ALAD: variants seen among roughly 807,000 people sequenced by gnomAD.
ALAD encodes the protein delta-aminolevulinic acid dehydratase.
A neutral mutation model predicts 44.4 loss-of-function variants in ALAD; 20 were observed. That is an observed-to-expected ratio of 0.45 (90% confidence interval 0.32 to 0.65). The LOEUF (loss-of-function observed/expected upper bound fraction) is 0.65, where lower values mean the gene tolerates loss of function less well. ALAD is among the 30% of genes least tolerant of loss of function. The probability of loss-of-function intolerance (pLI) is 0.05; values close to 1 mark genes in which losing one functional copy is unlikely to be tolerated. For synonymous variants in ALAD, 156 were observed against 167.9 expected (o/e 0.93, Z 0.55); for missense variants, 323 against 445.7 (o/e 0.72, Z 2.48).
intron 1 of ALAD, among the ~76,000 whole-genome samples, chr9:113,395,846 T>A (rs1588087065): frequency 6.6e-6 from 1 of 152,086 alleles, no homozygotes; most frequent in South Asian, 2.1e-4. Context: ...TCACTTGAGG[T>A]CTGGAGTTTG....
At chr9:113,398,571 A>G (rs1827789931) in intron 1 of ALAD, among the ~76,000 whole-genome samples, 1 of 152,216 alleles carries the variant, frequency 6.6e-6, no homozygotes, top group Admixed American at 6.5e-5. Context: ...TTTAAGATTC[A>G]GAGACAGATT....
intron 1 of ALAD, among the ~76,000 whole-genome samples, chr9:113,395,091 T>C (rs1490243833): frequency 6.6e-6 from 1 of 151,766 alleles, no homozygotes; most frequent in Non-Finnish European, 1.5e-5. Flanking sequence ...GAAAAGTACT[T>C]GGGACATGGA....
At chr9:113,399,769 TG>T (rs1278994893) in intron 1 of ALAD, among the ~76,000 whole-genome samples, 2 of 152,064 alleles carry the variant, frequency 1.3e-5, no homozygotes, top group Non-Finnish European at 2.9e-5. Context: ...CCAGAGGCTG[TG>T]GGTCTTCGCA....
chr9:113,394,626 T>G (rs777363764), intron 1 of ALAD, among the ~76,000 whole-genome samples: 36 of 152,154 alleles, frequency 2.4e-4, no homozygotes, highest in Non-Finnish European at 2.6e-4. Context: ...TCCTTATGCA[T>G]AAAGAAGCAC....
chr9:113,393,405 C>CA, intron 2 of ALAD, 42 bp downstream of exon 2: 2 of 1,567,970 alleles, frequency 1.3e-6, no homozygotes, highest in Non-Finnish European at 1.8e-6. Context: ...ACCCCAACCC[C>CA]AACCAGCAGA....
intron 2 of ALAD, 145 bp from the exon 3 acceptor site, chr9:113,392,314 C>T (rs769330875): frequency 3.2e-6 from 5 of 1,561,034 alleles, no homozygotes; most frequent in African/African-American, 1.4e-5. Flanking sequence ...GTCTGGCTTC[C>T]CTGCCTGGCC....
chr9:113,389,148 G>A lies in ALAD; in HGVS notation c.802-42C>T, dbSNP rs8177816. The A allele has an allele frequency of 1.1e-5, 17 of 1,612,674 alleles. No homozygotes were observed. In the Admixed American group the frequency reaches 2.8e-4, roughly 27 times the overall value. ...AGGGAGACAGGCTGAAATGGAGGGT[G>A]GATGTGGCTCTGGAAGCGTCCCTTC... is the stretch of plus-strand genomic sequence containing the variant. On this transcript the variant is annotated intron_variant, in intron 10 of 11. Transcript: ENST00000409155.
chr9:113,394,737 C>T (rs1368808823), intron 1 of ALAD, among the ~76,000 whole-genome samples: 1 of 151,880 alleles, frequency 6.6e-6, no homozygotes, highest in South Asian at 2.1e-4. Flanking sequence ...AGAAAAATCC[C>T]CTGCAATTCT....
chr9:113,392,386 G>T, intron 2 of ALAD: 1 of 1,356,588 alleles, frequency 7.4e-7, no homozygotes, highest in Non-Finnish European at 9.8e-7. Context: ...ACTAGCAACT[G>T]TACTAAAAGA....
intron 1 of ALAD, among the ~76,000 whole-genome samples, chr9:113,399,982 A>G (rs1444577993): frequency 6.6e-6 from 1 of 152,200 alleles, no homozygotes; most frequent in Non-Finnish European, 1.5e-5. Flanking sequence ...AATATCTACT[A>G]TGGGCCTGCT....
At position 113,390,937 on chromosome 9, in the gene ALAD, G is replaced by C; in HGVS notation, c.262-4C>G. ...CAGCTGCGGAACCCCGCTCGTCCTA[G>C]GGGCAGGGGAGGGACAAAGCAGTGT... On this transcript the variant is annotated splice_polypyrimidine_tract_variant and splice_region_variant and intron_variant, in intron 4 of 11. Transcript: ENST00000409155. The C allele has an allele frequency of 6.2e-7, 1 of 1,614,072 alleles. No homozygotes were observed. The highest frequency in any genetic ancestry group is 8.5e-7 in the Non-Finnish European group (1 of 1,180,020).
chr9:113,389,745 C>T lies in ALAD; in HGVS notation c.626+28G>A, dbSNP rs764868798. The T allele has an allele frequency of 3.1e-6, 5 of 1,614,100 alleles. No homozygotes were observed. The East Asian group carries it at 8.9e-5, about 29-fold the overall frequency. On this transcript the variant is annotated intron_variant, in intron 8 of 11. Coordinates refer to ENST00000409155, the MANE Select transcript of ALAD (RefSeq NM_000031.6). ...TTTGGGCCAAAGGGCCAGGGATTCACAGCAGACCCCTGCCCACCCCTGCTC... is the reference window on the plus strand; with the variant it reads ...TTTGGGCCAAAGGGCCAGGGATTCATAGCAGACCCCTGCCCACCCCTGCTC...
In ALAD at chr9:113,397,624, T is replaced by C. The variant is rs920162533; in HGVS notation, c.-76+3588A>G. 6.8e-3 allele frequency among the ~76,000 whole-genome samples: 662 copies of C among 97,854 alleles called. 6 individuals carry two copies. The highest frequency in any genetic ancestry group is 0.026 in the African/African-American group (625 of 23,998). 64.2% of individuals were successfully genotyped at this position (97,854 alleles called of 152,430 possible). On this transcript the variant is annotated intron_variant, in intron 1 of 11. Coordinates refer to ENST00000409155, the MANE Select transcript of ALAD (RefSeq NM_000031.6). ...CCAGGAGTTTTTTTTCCTTTTCTTT[T>C]TTTTTTTTTTTTTTTTTTGAGACAG...
intron 11 of ALAD, 38 bp downstream of exon 11, chr9:113,388,939 G>C: frequency 1.9e-6 from 3 of 1,613,626 alleles, no homozygotes; most frequent in Non-Finnish European, 2.5e-6. Flanking sequence ...ATCAGTCCCT[G>C]TGGCGCAGGT....
At chr9:113,400,362 ACT>A (rs1827823701) in intron 1 of ALAD, among the ~76,000 whole-genome samples, 1 of 151,986 alleles carries the variant, frequency 6.6e-6, no homozygotes, top group Admixed American at 6.6e-5. Flanking sequence ...GGTGAGCCAG[ACT>A]CTGGGCCTGG....
chr9:113,389,951 G>T, intron 7 of ALAD, 123 bp from the exon 8 acceptor site: 2 of 1,226,916 alleles, frequency 1.6e-6, no homozygotes, highest in Non-Finnish European at 2.3e-6. Context: ...TCCTGTTGGA[G>T]TGCTGGGCTT....
chr9:113,390,798 C>T lies in ALAD; in HGVS notation c.397G>A (p.Gly133Arg), dbSNP rs121912980. The stretch of plus-strand genomic sequence containing the variant: ...GGCTGGTGGGAGGGAGGGAACTCAC[C>T]GCAGTGACCATGGGAGGTGTAGGGA... ...LCPYTSHGHC[G>R]LLSENGAFRA... is the part of the protein sequence containing the mutation. The change falls in exon 5 of 12, where the codon GGG becomes AGG. Residue 133 changes from glycine to arginine, a missense_variant and splice_region_variant. Transcript: ENST00000409155. 1.6e-5 allele frequency: 25 copies of T among 1,607,898 alleles called. No homozygotes were observed. Among genetic ancestry groups the T allele is most frequent in the African/African-American group, 1.1e-4 (8 of 74,866 alleles).
At chr9:113,400,627 A>G (rs1247453172) in intron 1 of ALAD, among the ~76,000 whole-genome samples, 2 of 151,834 alleles carry the variant, frequency 1.3e-5, no homozygotes, top group Non-Finnish European at 2.9e-5. Flanking sequence ...GTTCGAGACT[A>G]GCCTGACCAA....
chr9:113,388,249 G>C lies in ALAD; in HGVS notation c.*51C>G, dbSNP rs112609758. 2.5e-6 allele frequency: 4 copies of C among 1,586,052 alleles called. No individual in the cohort carries two copies. The Admixed American group carries it at 6.7e-5, about 26-fold the overall frequency. ...TTTACTTTGGTTTTCACTTGTCTGA[G>C]GCCCCGGGAACGTTTTAAAGTTCTA... On this transcript the variant is annotated 3_prime_UTR_variant, in exon 12 of 12. Coordinates refer to ENST00000409155, the MANE Select transcript of ALAD (RefSeq NM_000031.6).
Sources: gnomAD v4.1 joint callset for allele counts (sites outside exome capture counted in the v4.1 genomes callset) on GRCh38, gnomAD v4.1.1 for gene constraint, MANE v1.5 for transcripts, NCBI Gene and HGNC (gene_info 2026-07-23, HGNC 2026-07-21) for gene names.